Variants in MCC observed in about 807,000 individuals in gnomAD.
MCC encodes the protein colorectal mutant cancer protein.
Under a neutral mutation model 116.2 loss-of-function variants are expected in MCC, and 90 were observed. The ratio of observed to expected loss-of-function variants is 0.77; its 90% CI spans 0.65 to 0.92. MCC has a LOEUF of 0.92. Among genes scored for constraint, MCC ranks in the 40% least tolerant of loss-of-function variants. The pLI, the probability that MCC is intolerant of heterozygous loss-of-function variation, is 0.00. For missense variants in MCC, 1,516 were observed against 1,312.2 expected, an observed-to-expected ratio of 1.16 and a Z score of -2.40; for synonymous variants, 578 against 510.5, an observed-to-expected ratio of 1.13 and a Z score of -1.78.
At chr5:113,410,176 C>A (rs1460095444) in intron 1 of MCC, among the ~76,000 whole-genome samples, 2 of 152,110 alleles carry the variant, frequency 1.3e-5, no homozygotes, top group Admixed American at 6.6e-5. Context: ...ATCATAAAAA[C>A]CTTTCCGTGT....
intron 11 of MCC, among the ~76,000 whole-genome samples, chr5:113,081,549 A>G (rs1273759983): frequency 3.9e-5 from 6 of 152,180 alleles, no homozygotes; most frequent in Non-Finnish European, 5.9e-5. Context: ...GTTAAAGCCC[A>G]GAATCTGTAG....
At chr5:113,453,761 C>T (rs1771465747) in intron 1 of MCC, among the ~76,000 whole-genome samples, 3 of 152,300 alleles carry the variant, frequency 2.0e-5, no homozygotes, top group South Asian at 4.1e-4. Flanking sequence ...GGTATTTAGT[C>T]ACTGAGGCTT....
chr5:113,091,883 GACACAC>G (rs149076453), intron 8 of MCC, among the ~76,000 whole-genome samples: 1 of 149,796 alleles, frequency 6.7e-6, no homozygotes. Context: ...ATGAGACTCA[GACACAC>G]ACACACACAC....
In MCC at chr5:113,074,260, C is replaced by G. The variant is rs150319966; in HGVS notation, c.1785-3026G>C. Among the ~76,000 whole-genome samples the G allele has an allele frequency of 1.5e-3, 231 of 152,358 alleles. 2 individuals carry two copies. Among genetic ancestry groups the G allele is most frequent in the African/African-American group, 5.3e-3 (220 of 41,586 alleles). Reference sequence around the variant, plus strand: ...CTGCAGCCTCCGCTGGTGATACCCACACAAACAGGGTCTGGAGTGGACCTC... The same window carrying G: ...CTGCAGCCTCCGCTGGTGATACCCAGACAAACAGGGTCTGGAGTGGACCTC... On this transcript the variant is annotated intron_variant, in intron 11 of 18. Coordinates refer to ENST00000408903, the MANE Select transcript of MCC (RefSeq NM_001085377.2).
intron 1 of MCC, among the ~76,000 whole-genome samples, chr5:113,459,137 G>A (rs1370666820): frequency 5.7e-5 from 7 of 122,454 alleles, no homozygotes; most frequent in African/African-American, 1.7e-4. Context: ...AAGGATATGT[G>A]TGTGTGTGTG....
chr5:113,081,332 T>G (rs995299352), intron 11 of MCC, among the ~76,000 whole-genome samples: 2 of 152,206 alleles, frequency 1.3e-5, no homozygotes, highest in Non-Finnish European at 2.9e-5. Flanking sequence ...CTTCAAAGCC[T>G]TTGTTTTCTC....
chr5:113,396,870 C>T (rs1769540189), intron 1 of MCC, among the ~76,000 whole-genome samples: 1 of 152,036 alleles, frequency 6.6e-6, no homozygotes, highest in Non-Finnish European at 1.5e-5. Flanking sequence ...CAACCAGAAG[C>T]CCATGATTCC....
At chr5:113,374,146 G>A (rs55805535) in intron 2 of MCC, among the ~76,000 whole-genome samples, 81 of 151,756 alleles carry the variant, frequency 5.3e-4, no homozygotes, top group African/African-American at 1.9e-3. Flanking sequence ...GACCACCTCG[G>A]CCTCCCAAAG....
At chr5:113,055,681 T>C (rs752370835) in intron 14 of MCC, among the ~76,000 whole-genome samples, 9 of 152,168 alleles carry the variant, frequency 5.9e-5, no homozygotes, top group Admixed American at 1.3e-4. Context: ...TTAAACACCA[T>C]CTCTTCAGAG....
intron 2 of MCC, among the ~76,000 whole-genome samples, chr5:113,383,052 C>T (rs1190436113): frequency 6.6e-6 from 1 of 152,194 alleles, no homozygotes; most frequent in African/African-American, 2.4e-5. Flanking sequence ...GTCTTCCAAG[C>T]TGGTCAAACC....
rs1753540130 is a variant in MCC, at chr5:113,065,478, T to A, written c.2030-1311A>T. The stretch of plus-strand genomic sequence containing the variant: ...CTTTTCCAAATATTTTTAAATGAAA[T>A]CTTACACCAAATCATAGAAAATGCT... On this transcript the variant is annotated intron_variant, in intron 13 of 18. Transcript: ENST00000408903. Among the ~76,000 whole-genome samples the A allele has an allele frequency of 1.3e-5, 2 of 152,134 alleles. 1 individual carries two copies. Among genetic ancestry groups the A allele is most frequent in the South Asian group, 4.1e-4 (2 of 4,828 alleles).
chr5:113,348,699 T>C (rs1768191955), intron 2 of MCC, among the ~76,000 whole-genome samples: 1 of 151,610 alleles, frequency 6.6e-6, no homozygotes, highest in Admixed American at 6.6e-5. Flanking sequence ...AAAAAATAAT[T>C]ATAAAGATCA....
intron 3 of MCC, among the ~76,000 whole-genome samples, chr5:113,317,920 T>C (rs1326478629): frequency 6.6e-6 from 1 of 152,198 alleles, no homozygotes; most frequent in Non-Finnish European, 1.5e-5. Context: ...ATAATTACAG[T>C]CTTACAGATT....
chr5:113,312,306 C>CT (rs1180181244), intron 3 of MCC, among the ~76,000 whole-genome samples: 1 of 151,982 alleles, frequency 6.6e-6, no homozygotes, highest in Admixed American at 6.6e-5. Flanking sequence ...ACTGCAATGT[C>CT]TTCTCTGAAG....
chr5:113,286,302 C>T (rs1266297103), intron 3 of MCC, among the ~76,000 whole-genome samples: 3 of 152,190 alleles, frequency 2.0e-5, no homozygotes, highest in African/African-American at 7.2e-5. Flanking sequence ...GAATTACTCC[C>T]ACTCTCACCA....
chr5:113,151,519 C>A lies in MCC; in HGVS notation c.628-97G>T, dbSNP rs1359949290. 1.8e-5 allele frequency: 12 copies of A among 674,606 alleles called. No homozygotes were observed. In the East Asian group the frequency reaches 3.1e-4, roughly 17 times the overall value. The allele number at this position is 674,606 out of a possible 1,614,324, so 41.8% of individuals were successfully genotyped here. On this transcript the variant is annotated intron_variant, in intron 3 of 18. Transcript: ENST00000408903. ...TAGTATAACCAAATAAAAAGCCTAT[C>A]ATCCAAAAAGCAACACTTTTGAGAA...
chr5:113,196,971 C>T (rs996544845), intron 3 of MCC, among the ~76,000 whole-genome samples: 1 of 152,210 alleles, frequency 6.6e-6, no homozygotes. Context: ...CTACATGTAA[C>T]ATTGAAATAA....
intron 17 of MCC, among the ~76,000 whole-genome samples, chr5:113,039,012 A>T (rs1216619833): frequency 6.6e-6 from 1 of 152,060 alleles, no homozygotes; most frequent in African/African-American, 2.4e-5. Flanking sequence ...AGCCTCCTGG[A>T]GGGCAGGGCG....
At chr5:113,432,929 C>T (rs1770705974) in intron 1 of MCC, 1 of 152,122 alleles carries the variant, frequency 6.6e-6, no homozygotes, top group Non-Finnish European at 1.5e-5. Flanking sequence ...AAGGTTTGAA[C>T]AGGAGAAAGC....
Sources: gnomAD v4.1 joint callset for allele counts (sites outside exome capture counted in the v4.1 genomes callset) on GRCh38, gnomAD v4.1.1 for gene constraint, MANE v1.5 for transcripts, NCBI Gene and HGNC (gene_info 2026-07-23, HGNC 2026-07-21) for gene names.